The following TBX4 variants were observed in gnomAD, a reference collection of about 807,000 sequenced individuals.
TBX4 encodes T-box transcription factor 4, also known as T-box transcription factor TBX4.
A neutral mutation model predicts 54.6 loss-of-function variants in TBX4; 13 were observed. That is an observed-to-expected ratio of 0.24 (90% CI 0.15 to 0.38). TBX4 has a LOEUF of 0.38. Ranked by LOEUF, TBX4 falls within the 10% of genes least tolerant of loss-of-function variation. TBX4 has a pLI of 1.00. For synonymous variants in TBX4, 314 were observed against 306.7 expected (o/e 1.02, Z -0.25); for missense variants, 631 against 728.5 (o/e 0.87, Z 1.54).
At chr17:61,456,715 G>T in intron 2 of TBX4, 39 bp downstream of exon 2, 1 of 1,348,784 alleles carries the variant, frequency 7.4e-7, no homozygotes, top group Non-Finnish European at 9.6e-7. Context: ...GTCGGGCGTC[G>T]GTCTGTCTGC....
intron 5 of TBX4, among the ~76,000 whole-genome samples, chr17:61,477,037 G>A (rs76444201): frequency 0.012 from 1,776 of 152,310 alleles, 43 homozygotes; most frequent in African/African-American, 0.04. Flanking sequence ...TTCATTCAGC[G>A]TCAGTACCAG....
rs189705390 is a variant in TBX4, at chr17:61,479,103, T to C, written c.702+324T>C. ...ATTGGGCCCTTTCATTCCACAATGT[T>C]CTTTCTCCTGGTTCATCTCCTGGTG... On this transcript the variant is annotated intron_variant, in intron 6 of 8. Transcript: ENST00000644296. The surrounding 1 kb of genome is among the most constrained non-coding windows in gnomAD (Gnocchi z 6.1). 6.0e-3 allele frequency among the ~76,000 whole-genome samples: 916 copies of C among 152,308 alleles called. 8 individuals are homozygous for C. Among genetic ancestry groups the C allele is most frequent in the Non-Finnish European group, 8.9e-3 (606 of 68,026 alleles).
chr17:61,468,252 G>A (rs1263557705), intron 5 of TBX4, among the ~76,000 whole-genome samples: 1 of 152,248 alleles, frequency 6.6e-6, no homozygotes, highest in Non-Finnish European at 1.5e-5. Context: ...AAGAGATTCT[G>A]AAGCCCCAGG....
At position 61,483,464 on chromosome 17, in the gene TBX4, C is replaced by T. The variant is rs767458043; in HGVS notation, c.1589C>T (p.Ser530Phe). ...ACCTTCTCCTTGTCCCGAGAATCTTCCTTACAGTACCATTCAGGAATGGGG... is the reference window on the plus strand; with the variant it reads ...ACCTTCTCCTTGTCCCGAGAATCTTTCTTACAGTACCATTCAGGAATGGGG... ...SQTFSLSRES[S>F]LQYHSGMGTV... Residue 530 changes from serine to phenylalanine, a missense_variant, in exon 9 of 9, where the codon TCC becomes TTC. Physicochemically the swap from Ser to Phe is radical, Grantham distance 155. This residue lies in a region of TBX4 where 354 missense variants were observed against 368.9 expected (regional missense o/e 0.96). Coordinates refer to ENST00000644296, the MANE Select transcript of TBX4 (RefSeq NM_001321120.2). This position sits in a 1 kb window ranked among gnomAD's most constrained non-coding sequence, Gnocchi z 6.6. 6.2e-7 allele frequency: 1 copy of T among 1,614,222 alleles called. No individual in the cohort carries two copies. Among genetic ancestry groups the T allele is most frequent in the Non-Finnish European group, 8.5e-7 (1 of 1,180,046 alleles).
rs540696527 is a variant in TBX4, at chr17:61,462,995, C to T, written c.282-2824C>T. The stretch of plus-strand genomic sequence containing the variant: ...GCAGATGCCCAAGGGGCCTTGAATT[C>T]TCCCCTCGACCTGGGCAGGAAGCCA... On this transcript the variant is annotated intron_variant, in intron 3 of 8. Transcript: ENST00000644296. This position sits in a 1 kb window ranked among gnomAD's most constrained non-coding sequence, Gnocchi z 4.5. The T allele has an allele frequency of 6.6e-6, 1 of 152,410 alleles. No homozygotes were observed. Among genetic ancestry groups the T allele is most frequent in the African/African-American group, 2.4e-5 (1 of 41,598 alleles). The allele number at this position is 152,410 out of a possible 1,614,324, so 9.4% of individuals were successfully genotyped here.
Position 61,476,389 on chromosome 17 carries a change from A to G in TBX4, c.550-2238A>G, listed in dbSNP as rs1166647298. On this transcript the variant is annotated intron_variant, in intron 5 of 8. Coordinates refer to ENST00000644296, the MANE Select transcript of TBX4 (RefSeq NM_001321120.2). The surrounding 1 kb of genome is among the most constrained non-coding windows in gnomAD (Gnocchi z 6.5). ...GCATGTGCAAAGGTGCACAGGTAGG[A>G]ACTGGGCATTCCTGGAGCTATCGGG... Among the ~76,000 whole-genome samples, 2 of 152,222 alleles carry G rather than the reference A, an allele frequency of 1.3e-5. No homozygotes were observed. The highest frequency in any genetic ancestry group is 3.9e-4 in the East Asian group (2 of 5,194).
rs919121371 is a variant in TBX4 at position 61,462,366 on chromosome 17, C to T, written c.282-3453C>T. 2.0e-5 allele frequency among the ~76,000 whole-genome samples: 3 copies of T among 150,602 alleles called. No individual in the cohort carries two copies. Among genetic ancestry groups the T allele is most frequent in the East Asian group, 2.0e-4 (1 of 5,050 alleles). On this transcript the variant is annotated intron_variant, in intron 3 of 8. Transcript: ENST00000644296. This position sits in a 1 kb window ranked among gnomAD's most constrained non-coding sequence, Gnocchi z 4.5. ...GCCGTGGGGAGGGCGGGGGAGCCCC[C>T]ATCTGTCTGGGGGCGCGGGAGCCCG...
At chr17:61,473,536 C>T (rs548043948) in intron 5 of TBX4, among the ~76,000 whole-genome samples, 4 of 152,312 alleles carry the variant, frequency 2.6e-5, no homozygotes, top group African/African-American at 9.6e-5. Context: ...TATTTATCTC[C>T]CTCTTTCCTC....
intron 5 of TBX4, among the ~76,000 whole-genome samples, chr17:61,471,719 AATT>A (rs1365245707): frequency 6.6e-6 from 1 of 151,704 alleles, no homozygotes; most frequent in Non-Finnish European, 1.5e-5. Flanking sequence ...AGCTGCACAG[AATT>A]ATTATTATTT....
At position 61,460,906 on chromosome 17, in the gene TBX4, C is replaced by G. The variant is rs1278898906; in HGVS notation, c.281+3275C>G. On this transcript the variant is annotated intron_variant, in intron 3 of 8. Transcript: ENST00000644296. This position sits in a 1 kb window ranked among gnomAD's most constrained non-coding sequence, Gnocchi z 4.4. ...GAATTTGCGTTTGAAAAATGAACTA[C>G]CGATGAGAACTCCTGTTGAACCTGT... Among the ~76,000 whole-genome samples the G allele has an allele frequency of 6.6e-6, 1 of 152,158 alleles. No individual in the cohort carries two copies. Among genetic ancestry groups the G allele is most frequent in the African/African-American group, 2.4e-5 (1 of 41,426 alleles).
intron 5 of TBX4, among the ~76,000 whole-genome samples, chr17:61,471,257 C>A (rs2060575810): frequency 6.6e-6 from 1 of 152,242 alleles, no homozygotes. Flanking sequence ...GCTGCGAGAT[C>A]CAAGCTCAAA....
Position 61,479,857 on chromosome 17 carries a change from A to T in TBX4, c.703-24A>T, listed in dbSNP as rs1173858910. On this transcript the variant is annotated intron_variant, in intron 6 of 8. Transcript: ENST00000644296. This position sits in a 1 kb window ranked among gnomAD's most constrained non-coding sequence, Gnocchi z 6.1. ...CACATTTGTGTGCCTCACACTGGTG[A>T]CCCTATGTGTTTTCTCCCCACAGAT... is the stretch of plus-strand genomic sequence containing the variant. The T allele has an allele frequency of 6.2e-7, 1 of 1,609,878 alleles. No homozygotes were observed.
In TBX4 at chr17:61,479,047, A is replaced by G. The variant is rs901030969; in HGVS notation, c.702+268A>G. Among the ~76,000 whole-genome samples the G allele has an allele frequency of 2.6e-5, 4 of 152,234 alleles. No individual in the cohort carries two copies. The highest frequency in any genetic ancestry group is 9.6e-5 in the African/African-American group (4 of 41,476). On this transcript the variant is annotated intron_variant, in intron 6 of 8. Coordinates refer to ENST00000644296, the MANE Select transcript of TBX4 (RefSeq NM_001321120.2). The surrounding 1 kb of genome is among the most constrained non-coding windows in gnomAD (Gnocchi z 6.1). Reference sequence around the variant, plus strand: ...GAGAAAATTGGCAACTGTAAAAACCAGGAGCTTGGAGTCTGCCTTGTGGTT... The same window carrying G: ...GAGAAAATTGGCAACTGTAAAAACCGGGAGCTTGGAGTCTGCCTTGTGGTT...
rs531414823 is a variant in TBX4 at position 61,460,529 on chromosome 17, C to T, written c.281+2898C>T. ...AGTGGGAGCCACCAGTTTCTGAATA[C>T]TCAGCGACCTCCATGTCAGGTGTGA... On this transcript the variant is annotated intron_variant, in intron 3 of 8. Coordinates refer to ENST00000644296, the MANE Select transcript of TBX4 (RefSeq NM_001321120.2). The surrounding 1 kb of genome is among the most constrained non-coding windows in gnomAD (Gnocchi z 4.4). Among the ~76,000 whole-genome samples the T allele has an allele frequency of 2.0e-4, 31 of 152,276 alleles. No homozygotes were observed. The highest frequency in any genetic ancestry group is 4.8e-4 in the African/African-American group (20 of 41,550).
chr17:61,483,669 TG>T lies in TBX4; in HGVS notation c.*154del. On this transcript the variant is annotated 3_prime_UTR_variant, in exon 9 of 9. Coordinates refer to ENST00000644296, the MANE Select transcript of TBX4 (RefSeq NM_001321120.2). The surrounding 1 kb of genome is among the most constrained non-coding windows in gnomAD (Gnocchi z 6.6). The stretch of plus-strand genomic sequence containing the variant: ...GTGTGTGTGTATACACGAGCATGTA[TG>T]TATTTGGAGAGCATCCATCTTCTGA... The T allele has an allele frequency of 1.1e-6, 1 of 893,790 alleles. No individual in the cohort carries two copies. The highest frequency in any genetic ancestry group is 1.7e-5 in the African/African-American group (1 of 57,174). 55.4% of individuals were successfully genotyped at this position (893,790 alleles called of 1,614,324 possible).
Position 61,479,535 on chromosome 17 carries a change from C to T in TBX4, c.703-346C>T, listed in dbSNP as rs1258144716. Among the ~76,000 whole-genome samples, 1 of 152,144 alleles carries T rather than the reference C, an allele frequency of 6.6e-6. No individual in the cohort carries two copies. Among genetic ancestry groups the T allele is most frequent in the Non-Finnish European group, 1.5e-5 (1 of 68,032 alleles). On this transcript the variant is annotated intron_variant, in intron 6 of 8. Coordinates refer to ENST00000644296, the MANE Select transcript of TBX4 (RefSeq NM_001321120.2). The surrounding 1 kb of genome is among the most constrained non-coding windows in gnomAD (Gnocchi z 6.1). The stretch of plus-strand genomic sequence containing the variant: ...AGATGTTACAGGTCCCCAGGAGAGA[C>T]CCATGGGGACAGAAGCCCGGCAGTG...
At position 61,479,175 on chromosome 17, in the gene TBX4, T is replaced by G. The variant is rs1398946276; in HGVS notation, c.702+396T>G. On this transcript the variant is annotated intron_variant, in intron 6 of 8. Transcript: ENST00000644296. The surrounding 1 kb of genome is among the most constrained non-coding windows in gnomAD (Gnocchi z 6.1). ...AATGGGGATAGGAGCCCTGGGGTGC[T>G]GTCAGCTGGGGTGTGGAAGCAGAGC... 6.6e-6 allele frequency among the ~76,000 whole-genome samples: 1 copy of G among 152,076 alleles called. No homozygotes were observed. Among genetic ancestry groups the G allele is most frequent in the African/African-American group, 2.4e-5 (1 of 41,416 alleles).
chr17:61,454,271 A>G (rs2060431843), intron 1 of TBX4, among the ~76,000 whole-genome samples: 1 of 152,282 alleles, frequency 6.6e-6, no homozygotes, highest in African/African-American at 2.4e-5. Flanking sequence ...CAGTTCCCCT[A>G]GTGCAAGAAA....
rs1401765959 is a variant in TBX4 at position 61,480,860 on chromosome 17, C to A, written c.1021+541C>A. 1.3e-5 allele frequency among the ~76,000 whole-genome samples: 2 copies of A among 152,214 alleles called. No individual in the cohort carries two copies. Among genetic ancestry groups the A allele is most frequent in the African/African-American group, 2.4e-5 (1 of 41,442 alleles). On this transcript the variant is annotated intron_variant, in intron 8 of 8. Coordinates refer to ENST00000644296, the MANE Select transcript of TBX4 (RefSeq NM_001321120.2). The surrounding 1 kb of genome is among the most constrained non-coding windows in gnomAD (Gnocchi z 6.2). The stretch of plus-strand genomic sequence containing the variant: ...GGGGCTGGGAAGACAAGCCACAGCA[C>A]CCTCTGTGCCAGGCCTCTTCGTAAA...
Sources: gnomAD v4.1 joint callset for allele counts (sites outside exome capture counted in the v4.1 genomes callset) on GRCh38, gnomAD v4.1.1 for gene constraint, gnomAD v4.1.1 regional missense constraint, Gnocchi (gnomAD v3.1) non-coding constraint, MANE v1.5 for transcripts, NCBI Gene and HGNC (gene_info 2026-07-23, HGNC 2026-07-21) for gene names.